The following NUBPL variants were observed in gnomAD, a reference collection of about 807,000 sequenced individuals.
The protein encoded by NUBPL is iron-sulfur cluster transfer protein NUBPL.
NUBPL carries 31 observed loss-of-function variants against 45.7 expected under a neutral mutation model. The ratio of observed to expected loss-of-function variants is 0.68; its 90% CI spans 0.51 to 0.92. The LOEUF is 0.92. Among genes scored for constraint, NUBPL ranks in the 40% least tolerant of loss-of-function variants. NUBPL has a pLI of 0.00. For missense variants in NUBPL, 401 were observed against 398.7 expected, an observed-to-expected ratio of 1.01 and a Z score of -0.05; for synonymous variants, 144 against 140.9, an observed-to-expected ratio of 1.02 and a Z score of -0.15.
At chr14:31,575,817 G>A (rs1273029698) in intron 3 of NUBPL, among the ~76,000 whole-genome samples, 1 of 152,150 alleles carries the variant, frequency 6.6e-6, no homozygotes. Context: ...TGGAGGAAAG[G>A]TATGCTATTT....
intron 7 of NUBPL, among the ~76,000 whole-genome samples, chr14:31,824,565 A>T (rs1322371713): frequency 3.3e-5 from 5 of 152,180 alleles, no homozygotes. Flanking sequence ...TGAAATGAAG[A>T]TGCTGATTGC....
intron 2 of NUBPL, chr14:31,562,691 C>G (rs1472212109): frequency 1.3e-5 from 2 of 150,388 alleles, no homozygotes; most frequent in Admixed American, 1.3e-4. Flanking sequence ...GTAAGCTCCG[C>G]CTCCCGGGGT....
intron 6 of NUBPL, among the ~76,000 whole-genome samples, chr14:31,729,553 C>T (rs1442908264): frequency 6.6e-6 from 1 of 152,038 alleles, no homozygotes; most frequent in African/African-American, 2.4e-5. Context: ...AAACATATTA[C>T]TTTAGTCATA....
intron 7 of NUBPL, among the ~76,000 whole-genome samples, chr14:31,793,627 G>T (rs926850822): frequency 6.6e-6 from 1 of 152,156 alleles, no homozygotes; most frequent in Admixed American, 6.6e-5. Context: ...ATCAATGAAT[G>T]AGTGTTTTAT....
intron 10 of NUBPL, among the ~76,000 whole-genome samples, chr14:31,854,099 C>T (rs79549613): frequency 1.3e-5 from 2 of 152,124 alleles, no homozygotes; most frequent in Non-Finnish European, 2.9e-5. Context: ...TATCACCTCA[C>T]AATCTTAATA....
chr14:31,601,842 G>A (rs953667530), intron 4 of NUBPL, among the ~76,000 whole-genome samples: 3 of 152,066 alleles, frequency 2.0e-5, no homozygotes, highest in Non-Finnish European at 2.9e-5. Flanking sequence ...GATTCCTCAG[G>A]GATCTAGAAC....
At chr14:31,823,474 GAGA>G (rs970808829) in intron 7 of NUBPL, among the ~76,000 whole-genome samples, 1 of 152,100 alleles carries the variant, frequency 6.6e-6, no homozygotes, top group African/African-American at 2.4e-5. Flanking sequence ...TATAGTGAAG[GAGA>G]AGATTTGGAG....
At chr14:31,844,109 A>C (rs959837060) in intron 8 of NUBPL, 1 of 152,240 alleles carries the variant, frequency 6.6e-6, no homozygotes, top group Non-Finnish European at 1.5e-5. Flanking sequence ...TATACAGTCC[A>C]TAGAGAATGA....
chr14:31,798,995 A>G (rs978349652), intron 7 of NUBPL, among the ~76,000 whole-genome samples: 1 of 151,996 alleles, frequency 6.6e-6, no homozygotes, highest in Non-Finnish European at 1.5e-5. Context: ...CAGGAACACT[A>G]TCAAAAAGTT....
chr14:31,660,085 T>C lies in NUBPL; in HGVS notation c.383-13270T>C, dbSNP rs535386239. ...AAAAACATGATTTTCTTCATAGTCTTATTTTCTGCTCCTTTCTCAAATTTT... is the reference window on the plus strand; with the variant it reads ...AAAAACATGATTTTCTTCATAGTCTCATTTTCTGCTCCTTTCTCAAATTTT... On this transcript the variant is annotated intron_variant, in intron 4 of 10. Transcript: ENST00000281081. 5.3e-5 allele frequency among the ~76,000 whole-genome samples: 8 copies of C among 152,318 alleles called. No individual in the cohort carries two copies. The East Asian group carries it at 1.5e-3, about 29-fold the overall frequency.
chr14:31,785,467 C>T (rs2039267215), intron 6 of NUBPL, among the ~76,000 whole-genome samples: 1 of 152,158 alleles, frequency 6.6e-6, no homozygotes, highest in South Asian at 2.1e-4. Flanking sequence ...AGGTTGCACA[C>T]TCCTTGTGAA....
At chr14:31,812,274 T>TCG (rs1368235364) in intron 7 of NUBPL, among the ~76,000 whole-genome samples, 5 of 152,342 alleles carry the variant, frequency 3.3e-5, no homozygotes, top group Admixed American at 3.3e-4. Context: ...CATTTGGGCC[T>TCG]CGTTGAGCTG....
intron 4 of NUBPL, chr14:31,654,186 C>T (rs1022163697): frequency 2.5e-5 from 11 of 446,846 alleles, no homozygotes; most frequent in Non-Finnish European, 4.0e-5. Flanking sequence ...GTTATGTTTA[C>T]ACTATACTGT....
intron 3 of NUBPL, among the ~76,000 whole-genome samples, chr14:31,566,443 A>G (rs1194419354): frequency 1.3e-5 from 2 of 152,164 alleles, no homozygotes; most frequent in African/African-American, 4.8e-5. Context: ...TATCAAGACA[A>G]AATTTTTTCT....
At chr14:31,623,937 G>A (rs1305865275) in intron 4 of NUBPL, among the ~76,000 whole-genome samples, 2 of 152,286 alleles carry the variant, frequency 1.3e-5, no homozygotes, top group East Asian at 3.9e-4. Context: ...GTTGAAGTGT[G>A]TGATTCAGAC....
At chr14:31,697,455 A>G (rs958952584) in intron 6 of NUBPL, among the ~76,000 whole-genome samples, 5 of 152,208 alleles carry the variant, frequency 3.3e-5, no homozygotes, top group Non-Finnish European at 7.3e-5. Flanking sequence ...ACAATGTCCT[A>G]TTTCTACCTT....
intron 7 of NUBPL, among the ~76,000 whole-genome samples, chr14:31,805,890 TA>T (rs1263569505): frequency 6.6e-6 from 1 of 151,620 alleles, no homozygotes; most frequent in Non-Finnish European, 1.5e-5. Context: ...ACTTCACATG[TA>T]ACCCCGAACC....
intron 6 of NUBPL, among the ~76,000 whole-genome samples, chr14:31,679,342 G>C (rs1729045942): frequency 6.6e-6 from 1 of 151,976 alleles, no homozygotes; most frequent in Non-Finnish European, 1.5e-5. Flanking sequence ...GGGGCGGGGG[G>C]CAATTTTTTT....
chr14:31,683,452 T>G (rs2036882798), intron 6 of NUBPL, among the ~76,000 whole-genome samples: 1 of 149,136 alleles, frequency 6.7e-6, no homozygotes, highest in Admixed American at 6.8e-5. Context: ...TCCGCCTCCT[T>G]GGTTCAAGCA....
Sources: allele counts gnomAD v4.1 joint callset (sites outside exome capture counted in the v4.1 genomes callset), GRCh38; gene constraint gnomAD v4.1.1; transcripts MANE v1.5; gene names NCBI Gene and HGNC (gene_info 2026-07-23, HGNC 2026-07-21).